SDK1: variants seen among roughly 807,000 people sequenced by gnomAD.
SDK1 encodes the protein protein sidekick-1.
Under a neutral mutation model 245.5 loss-of-function variants are expected in SDK1, and 157 were observed. The ratio of observed to expected loss-of-function variants is 0.64; its 90% CI spans 0.56 to 0.73. The LOEUF is 0.73. Among genes scored for constraint, SDK1 ranks in the 30% least tolerant of loss-of-function variants. SDK1 has a pLI of 0.00. For missense variants in SDK1, 3,583 were observed against 3,002.3 expected (o/e 1.19, Z -4.52); for synonymous variants, 1,647 against 1,278.5 (o/e 1.29, Z -6.15).
At chr7:3,988,921 G>T (rs1373001570) in intron 14 of SDK1, among the ~76,000 whole-genome samples, 1 of 152,088 alleles carries the variant, frequency 6.6e-6, no homozygotes, top group Non-Finnish European at 1.5e-5. Flanking sequence ...ACAGGCACCT[G>T]CCACCACGCC....
At chr7:4,231,686 G>T (rs547439947) in intron 40 of SDK1, among the ~76,000 whole-genome samples, 2 of 152,296 alleles carry the variant, frequency 1.3e-5, no homozygotes, top group East Asian at 3.9e-4. Flanking sequence ...GGAGAGATTT[G>T]TACCTTTAAA....
intron 35 of SDK1, among the ~76,000 whole-genome samples, chr7:4,190,873 A>C (rs1584407143): frequency 6.6e-6 from 1 of 152,172 alleles, no homozygotes; most frequent in African/African-American, 2.4e-5. Context: ...GATGGGCTTG[A>C]CACCAGCCTC....
chr7:4,073,906 G>C lies in SDK1; in HGVS notation c.3011-3092G>C, dbSNP rs147236343. On this transcript the variant is annotated intron_variant, in intron 20 of 44. Transcript: ENST00000404826. ...CACACTCAGCACGGCCACAACAAGC[G>C]ATTTATCCCCTAGTGCTCAGGCCCC... Among the ~76,000 whole-genome samples, 952 of 152,258 alleles carry C rather than the reference G, an allele frequency of 6.3e-3. 10 individuals carry two copies. Among genetic ancestry groups the C allele is most frequent in the African/African-American group, 0.021 (856 of 41,552 alleles).
intron 35 of SDK1, among the ~76,000 whole-genome samples, chr7:4,185,757 C>T (rs1015086746): frequency 1.3e-5 from 2 of 152,072 alleles, no homozygotes; most frequent in African/African-American, 4.8e-5. Context: ...CCTCTTATCC[C>T]CAGAACGTTA....
At chr7:3,385,101 C>T (rs1366688619) in intron 1 of SDK1, among the ~76,000 whole-genome samples, 1 of 152,154 alleles carries the variant, frequency 6.6e-6, no homozygotes, top group Non-Finnish European at 1.5e-5. Context: ...GGAAAAGACC[C>T]TGAATTTTGG....
At chr7:3,358,097 C>CGT (rs1275986256) in intron 1 of SDK1, among the ~76,000 whole-genome samples, 1 of 152,144 alleles carries the variant, frequency 6.6e-6, no homozygotes, top group Non-Finnish European at 1.5e-5. Flanking sequence ...TCTCGGCTCA[C>CGT]TGCAACCTCT....
At chr7:3,983,932 A>G (rs1783614940) in intron 13 of SDK1, among the ~76,000 whole-genome samples, 1 of 152,228 alleles carries the variant, frequency 6.6e-6, no homozygotes, top group Non-Finnish European at 1.5e-5. Flanking sequence ...ACGGGCACTC[A>G]GGTCCTCGGG....
chr7:4,235,557 G>C (rs149122231), intron 41 of SDK1, among the ~76,000 whole-genome samples: 9 of 152,176 alleles, frequency 5.9e-5, no homozygotes, highest in Non-Finnish European at 1.3e-4. Context: ...GTACCCCAAA[G>C]TATAGAGAAT....
At chr7:3,961,235 C>T (rs1781656950) in intron 8 of SDK1, among the ~76,000 whole-genome samples, 1 of 152,214 alleles carries the variant, frequency 6.6e-6, no homozygotes, top group South Asian at 2.1e-4. Flanking sequence ...CATCATGTAA[C>T]TGCTATTATG....
At chr7:4,181,919 A>G (rs1276126181) in intron 35 of SDK1, among the ~76,000 whole-genome samples, 1 of 151,848 alleles carries the variant, frequency 6.6e-6, no homozygotes, top group Non-Finnish European at 1.5e-5. Context: ...CCCTTTATGC[A>G]TCTTTTTTTT....
intron 1 of SDK1, among the ~76,000 whole-genome samples, chr7:3,559,532 G>C (rs896113140): frequency 6.6e-6 from 1 of 152,082 alleles, no homozygotes; most frequent in African/African-American, 2.4e-5. Context: ...CCAAGATGTA[G>C]TAATCAGCTT....
chr7:4,174,508 C>A, intron 33 of SDK1, 151 bp downstream of exon 33: 1 of 877,296 alleles, frequency 1.1e-6, no homozygotes, highest in Admixed American at 2.4e-5. Context: ...GGCGGGTTTA[C>A]CCACCAGGGG....
Position 4,266,446 on chromosome 7 carries a change from C to T in SDK1, c.*1062C>T. ...CGCCTCGTGCACACCAGGCCGTCCC[C>T]TCCCTCTGTCCTGGCTTCTGCTGGC... On this transcript the variant is annotated 3_prime_UTR_variant, in exon 45 of 45. Transcript: ENST00000404826. 3 of 985,430 alleles carry T rather than the reference C, an allele frequency of 3.0e-6. No individual in the cohort carries two copies. Among genetic ancestry groups the T allele is most frequent in the Non-Finnish European group, 3.6e-6 (3 of 829,916 alleles). 61.0% of individuals were successfully genotyped at this position (985,430 alleles called of 1,614,324 possible). A position where few individuals can be genotyped will look rare whatever the true frequency, so the allele number is the denominator to read the frequency against.
At chr7:3,685,862 T>A (rs545109761) in intron 4 of SDK1, among the ~76,000 whole-genome samples, 152 of 151,808 alleles carry the variant, frequency 1.0e-3, no homozygotes, top group African/African-American at 3.5e-3. Context: ...ATAATAAGAA[T>A]ATAGGAAAAT....
At chr7:4,115,974 A>G (rs999808559) in intron 25 of SDK1, among the ~76,000 whole-genome samples, 13 of 152,190 alleles carry the variant, frequency 8.5e-5, no homozygotes, top group African/African-American at 3.1e-4. Context: ...GAGGCGGATG[A>G]CGTGGGGGCA....
In SDK1 at chr7:4,208,848, G is replaced by A. The variant is rs116606343; in HGVS notation, c.5401+563G>A. ...CTCATCTCCACGCACAGGGCGCAGC[G>A]CCTGTTCTCAGTCGACCCCTCTTCC... On this transcript the variant is annotated intron_variant, in intron 37 of 44. Transcript: ENST00000404826. 9.6e-3 allele frequency among the ~76,000 whole-genome samples: 1,455 copies of A among 152,322 alleles called. 24 individuals are homozygous for A. Among genetic ancestry groups the A allele is most frequent in the African/African-American group, 0.033 (1,385 of 41,578 alleles).
chr7:3,754,645 G>A (rs1779865433), intron 4 of SDK1, among the ~76,000 whole-genome samples: 1 of 151,742 alleles, frequency 6.6e-6, no homozygotes, highest in Admixed American at 6.6e-5. Context: ...ATTGCTGACT[G>A]GAGAAACAGC....
At chr7:3,566,521 G>A (rs989311619) in intron 1 of SDK1, among the ~76,000 whole-genome samples, 5 of 152,060 alleles carry the variant, frequency 3.3e-5, no homozygotes, top group Admixed American at 6.5e-5. Flanking sequence ...CACCACGCCC[G>A]GCCGATAAAC....
At chr7:4,005,451 G>A (rs1785408540) in intron 14 of SDK1, among the ~76,000 whole-genome samples, 2 of 147,134 alleles carry the variant, frequency 1.4e-5, no homozygotes, top group Admixed American at 1.4e-4. Context: ...TACTTCTTGG[G>A]TATTGCAGGT....
Sources: allele counts gnomAD v4.1 joint callset (sites outside exome capture counted in the v4.1 genomes callset), GRCh38; gene constraint gnomAD v4.1.1; transcripts MANE v1.5; gene names NCBI Gene and HGNC (gene_info 2026-07-23, HGNC 2026-07-21).